The following CACNA1S variants were observed in gnomAD, a reference collection of about 807,000 sequenced individuals.
CACNA1S encodes voltage-dependent L-type calcium channel subunit alpha-1S.
Under a neutral mutation model 207.4 loss-of-function variants are expected in CACNA1S, and 126 were observed. The observed-to-expected ratio is 0.61, with a 90% confidence interval of 0.53 to 0.70. The LOEUF is 0.70. Ranked by LOEUF, CACNA1S falls within the 30% of genes least tolerant of loss-of-function variation. CACNA1S has a pLI of 0.00. For synonymous variants in CACNA1S, 960 were observed against 932.7 expected (o/e 1.03, Z -0.53); for missense variants, 2,349 against 2,422.8 (o/e 0.97, Z 0.64).
rs751530767 is a variant in CACNA1S, at chr1:201,048,648, C to T, written c.4375G>A (p.Gly1459Ser). The T allele has an allele frequency of 9.3e-6, 15 of 1,613,508 alleles. No homozygotes were observed. Among genetic ancestry groups the T allele is most frequent in the East Asian group, 4.5e-5 (2 of 44,878 alleles). Residue 1459 changes from glycine to serine, a missense_variant, in exon 36 of 44, where the codon GGC becomes AGC. Gly to Ser is a moderately conservative substitution (Grantham distance 56). Coordinates refer to ENST00000362061, the MANE Select transcript of CACNA1S (RefSeq NM_000069.3). ...VGMNMPLNSD[G>S]TVTFNATLFA... ...AGTGTGGCATTGAAGGTGACTGTGC[C>T]GTCGCTGTTCAGGGGCATGTTCATG...
intron 19 of CACNA1S, among the ~76,000 whole-genome samples, chr1:201,068,231 CTTTTTTTTTTTTTTTTT>C (rs60151209): frequency 6.4e-5 from 3 of 46,960 alleles, no homozygotes; most frequent in East Asian, 7.5e-4. Flanking sequence ...CGGCTCTGCT[CTTTTTTTTTTTTTTTTT>C]TTTTTTTTTT....
intron 38 of CACNA1S, among the ~76,000 whole-genome samples, chr1:201,046,852 T>C (rs890296356): frequency 2.0e-5 from 3 of 152,212 alleles, no homozygotes; most frequent in Non-Finnish European, 4.4e-5. Context: ...ACTGTTCTTA[T>C]CTAACTTGTC....
In CACNA1S at chr1:201,060,827, T is replaced by C; in HGVS notation, c.3256-11A>G. 1.2e-6 allele frequency: 2 copies of C among 1,614,078 alleles called. No homozygotes were observed. Among genetic ancestry groups the C allele is most frequent in the Non-Finnish European group, 1.7e-6 (2 of 1,180,014 alleles). On this transcript the variant is annotated splice_polypyrimidine_tract_variant and intron_variant, in intron 25 of 43. Transcript: ENST00000362061. ...CTGTACACATTGGCGCTGTGACACA[T>C]ACAACAGGACAGGTCAGCACCAAGA...
intron 28 of CACNA1S, among the ~76,000 whole-genome samples, chr1:201,054,931 G>A (rs10800756): frequency 0.78 from 119,038 of 152,178 alleles, 47,767 homozygotes; most frequent in East Asian, 0.99. Flanking sequence ...CGCATTGGAA[G>A]ATGCCTGCTC....
Position 201,053,486 on chromosome 1 carries a change from G to A in CACNA1S, c.3768C>T (p.Leu1256=). Residue 1256 remains leucine (L), a synonymous_variant, in exon 30 of 44, where the codon CTC becomes CTT. Coordinates refer to ENST00000362061, the MANE Select transcript of CACNA1S (RefSeq NM_000069.3). This position sits in a 1 kb window ranked among gnomAD's most constrained non-coding sequence, Gnocchi z 5.1. ...GGAAGGACTTGATGAACGTCCACAG[G>A]AGGGTTCGCACTCCTTCTGCCCGGC... ...LLSRAEGVRT[L]LWTFIKSFQA... 6.2e-7 allele frequency: 1 copy of A among 1,614,176 alleles called. No individual in the cohort carries two copies. The highest frequency in any genetic ancestry group is 8.5e-7 in the Non-Finnish European group (1 of 1,180,032).
At chr1:201,081,182 G>T (rs1420295604) in intron 10 of CACNA1S, among the ~76,000 whole-genome samples, 1 of 152,172 alleles carries the variant, frequency 6.6e-6, no homozygotes, top group Non-Finnish European at 1.5e-5. Context: ...CCTGTCTCCA[G>T]CCCTGCACAG....
Position 201,053,944 on chromosome 1 carries a change from G to A in CACNA1S, c.3667-357C>T, listed in dbSNP as rs934398785. ...AATCTCCTCAAGCTGCCACTGAGTCGAGGACCCTGGTGGCCCTCCTAGGGC... is the reference window on the plus strand; with the variant it reads ...AATCTCCTCAAGCTGCCACTGAGTCAAGGACCCTGGTGGCCCTCCTAGGGC... On this transcript the variant is annotated intron_variant, in intron 29 of 43. Coordinates refer to ENST00000362061, the MANE Select transcript of CACNA1S (RefSeq NM_000069.3). This position sits in a 1 kb window ranked among gnomAD's most constrained non-coding sequence, Gnocchi z 5.1. Among the ~76,000 whole-genome samples the A allele has an allele frequency of 1.1e-4, 16 of 152,124 alleles. No individual in the cohort carries two copies. The highest frequency in any genetic ancestry group is 7.8e-4 in the Admixed American group (12 of 15,288).
In CACNA1S at chr1:201,053,248, G is replaced by A. The variant is rs56183942; in HGVS notation, c.3822C>T (p.Ile1274=). 0.021 allele frequency: 33,198 copies of A among 1,614,218 alleles called. 1,084 individuals are homozygous for A. The highest frequency in any genetic ancestry group is 0.17 in the East Asian group (7,712 of 44,874). Residue 1274 remains isoleucine (I), a synonymous_variant, in exon 31 of 44, where the codon ATC becomes ATT. Coordinates refer to ENST00000362061, the MANE Select transcript of CACNA1S (RefSeq NM_000069.3). The surrounding 1 kb of genome is among the most constrained non-coding windows in gnomAD (Gnocchi z 5.1). The part of the protein sequence containing the change: ...FQALPYVALL[I]VMLFFIYAVI... ...CAGCGTAGATGAAGAAGAGCATGACGATGAGCAGAGCCACGTAGGGTAGGG... is the reference window on the plus strand; with the variant it reads ...CAGCGTAGATGAAGAAGAGCATGACAATGAGCAGAGCCACGTAGGGTAGGG...
In CACNA1S at chr1:201,112,168, G is replaced by T; in HGVS notation, c.152+20C>A. 1.2e-6 allele frequency: 2 copies of T among 1,607,666 alleles called. No homozygotes were observed. Among genetic ancestry groups the T allele is most frequent in the Non-Finnish European group, 1.7e-6 (2 of 1,175,528 alleles). On this transcript the variant is annotated intron_variant, in intron 1 of 43. Transcript: ENST00000362061. Reference sequence around the variant, plus strand: ...CTCATGACGCACACCCCCCCCCACGGCCCGGGCCCTGAAGGATACTTCCAT... The same window carrying T: ...CTCATGACGCACACCCCCCCCCACGTCCCGGGCCCTGAAGGATACTTCCAT...
chr1:201,105,034 T>C (rs943294630), intron 2 of CACNA1S, among the ~76,000 whole-genome samples: 4 of 152,244 alleles, frequency 2.6e-5, no homozygotes, highest in African/African-American at 9.6e-5. Context: ...CGATAAATAT[T>C]GAATGTCATT....
intron 34 of CACNA1S, among the ~76,000 whole-genome samples, chr1:201,049,854 G>C (rs187129470): frequency 3.0e-4 from 45 of 152,232 alleles, no homozygotes; most frequent in African/African-American, 1.0e-3. Flanking sequence ...ACATGGACTG[G>C]GGCAACTTAC....
At chr1:201,051,385 A>G (rs1464902901) in intron 32 of CACNA1S, among the ~76,000 whole-genome samples, 1 of 152,168 alleles carries the variant, frequency 6.6e-6, no homozygotes, top group African/African-American at 2.4e-5. Flanking sequence ...AAGAGGGCAA[A>G]ATCAATCTGA....
At chr1:201,107,555 T>C (rs1347763902) in intron 2 of CACNA1S, among the ~76,000 whole-genome samples, 3 of 152,244 alleles carry the variant, frequency 2.0e-5, no homozygotes, top group East Asian at 3.8e-4. Flanking sequence ...ACACTAAAGA[T>C]GCATTCGTTA....
At chr1:201,059,117 G>C (rs960525031) in intron 27 of CACNA1S, 72 bp downstream of exon 27, 1 of 937,766 alleles carries the variant, frequency 1.1e-6, no homozygotes, top group African/African-American at 1.6e-5. Flanking sequence ...AGGGATGGGG[G>C]TGGATGTTCC....
At chr1:201,048,777 G>A (rs1340091637) in intron 35 of CACNA1S, 93 bp from the exon 36 acceptor site, 12 of 1,100,654 alleles carry the variant, frequency 1.1e-5, no homozygotes, top group South Asian at 2.5e-5. Context: ...GGGAGGGGAC[G>A]GGACACGAGG....
intron 2 of CACNA1S, among the ~76,000 whole-genome samples, chr1:201,109,353 T>C (rs1325605037): frequency 6.6e-6 from 1 of 152,116 alleles, no homozygotes; most frequent in Non-Finnish European, 1.5e-5. Flanking sequence ...TCTCTGAATA[T>C]CAGTCTCCTT....
rs147850398 is a variant in CACNA1S, at chr1:201,085,548, G to T, written c.1038C>A (p.Ser346=). The T allele has an allele frequency of 3.1e-6, 5 of 1,613,478 alleles. No individual in the cohort carries two copies. The highest frequency in any genetic ancestry group is 4.2e-6 in the Non-Finnish European group (5 of 1,179,940). ...CCCGGAGCTTCTGGAAGGTTCCCCTGGACTTGGCCTTCTCCCGCTCCTTGG... is the reference window on the plus strand; with the variant it reads ...CCCGGAGCTTCTGGAAGGTTCCCCTTGACTTGGCCTTCTCCCGCTCCTTGG... The part of the protein sequence containing the change: ...EFTKEREKAK[S]RGTFQKLREK... The change falls in exon 8 of 44, where the codon TCC becomes TCA. Residue 346 remains serine (S), a synonymous_variant. Coordinates refer to ENST00000362061, the MANE Select transcript of CACNA1S (RefSeq NM_000069.3).
At chr1:201,043,608 T>A in intron 39 of CACNA1S, 77 bp from the exon 40 acceptor site, 1 of 1,311,068 alleles carries the variant, frequency 7.6e-7, no homozygotes, top group East Asian at 2.3e-5. Flanking sequence ...GGGACAGTGG[T>A]ATTGGGAACA....
chr1:201,108,448 A>T (rs929797557), intron 2 of CACNA1S, among the ~76,000 whole-genome samples: 1 of 152,114 alleles, frequency 6.6e-6, no homozygotes, highest in Non-Finnish European at 1.5e-5. Flanking sequence ...GTTTTTTTAC[A>T]AAAGTAGTCA....
Sources: gnomAD v4.1 joint callset for allele counts (sites outside exome capture counted in the v4.1 genomes callset) on GRCh38, gnomAD v4.1.1 for gene constraint, Gnocchi (gnomAD v3.1) non-coding constraint, MANE v1.5 for transcripts, NCBI Gene and HGNC (gene_info 2026-07-23, HGNC 2026-07-21) for gene names.